The following PNPLA1 variants were observed in gnomAD, a reference collection of about 807,000 sequenced individuals.
The protein encoded by PNPLA1 is patatin like domain 1, omega-hydroxyceramide transacylase, also known as omega-hydroxyceramide transacylase.
PNPLA1 carries 36 observed loss-of-function variants against 51.7 expected under a neutral mutation model. The observed-to-expected ratio is 0.70, with a 90% confidence interval of 0.53 to 0.92. The LOEUF (loss-of-function observed/expected upper bound fraction) is 0.92. Ranked by LOEUF, PNPLA1 falls within the 40% of genes least tolerant of loss-of-function variation. The pLI, the probability that PNPLA1 is intolerant of heterozygous loss-of-function variation, is 0.00. For missense variants in PNPLA1, 658 were observed against 682.5 expected, an observed-to-expected ratio of 0.96 and a Z score of 0.40; for synonymous variants, 293 against 280.1, an observed-to-expected ratio of 1.05 and a Z score of -0.46.
intron 1 of PNPLA1, among the ~76,000 whole-genome samples, chr6:36,243,991 G>A (rs1769203405): frequency 6.6e-6 from 1 of 152,172 alleles, no homozygotes; most frequent in African/African-American, 2.4e-5. Flanking sequence ...CCCCTTTCCT[G>A]CACAGATTGA....
intron 8 of PNPLA1, among the ~76,000 whole-genome samples, chr6:36,309,443 G>A (rs1261791768): frequency 2.6e-5 from 4 of 152,148 alleles, no homozygotes; most frequent in Non-Finnish European, 5.9e-5. Context: ...TCTGCGGTGG[G>A]TGTGGGGAGC....
At chr6:36,264,329 G>A (rs1582038897) in intron 1 of PNPLA1, among the ~76,000 whole-genome samples, 2 of 152,190 alleles carry the variant, frequency 1.3e-5, no homozygotes, top group South Asian at 2.1e-4. Context: ...GTTGTCCCAT[G>A]GTCTCATAAT....
At chr6:36,300,950 T>C (rs1582095371) in intron 5 of PNPLA1, among the ~76,000 whole-genome samples, 1 of 152,250 alleles carries the variant, frequency 6.6e-6, no homozygotes, top group East Asian at 1.9e-4. Context: ...GGTTATGTTA[T>C]ACTTTGGGTT....
In PNPLA1 at chr6:36,313,491, C is replaced by T. The variant is rs749797696; in HGVS notation, c.*1605C>T. On this transcript the variant is annotated 3_prime_UTR_variant, in exon 9 of 9. Transcript: ENST00000636260. ...GAGGAGACCATATGCAAATTTAAGC[C>T]TGGTGGGGCTGGGGATTTAGAGGGT... Among the ~76,000 whole-genome samples the T allele has an allele frequency of 6.6e-6, 1 of 152,150 alleles. No individual in the cohort carries two copies. Among genetic ancestry groups the T allele is most frequent in the Non-Finnish European group, 1.5e-5 (1 of 68,028 alleles).
chr6:36,296,980 A>G (rs1467256136), intron 5 of PNPLA1, among the ~76,000 whole-genome samples: 2 of 152,232 alleles, frequency 1.3e-5, no homozygotes, highest in Non-Finnish European at 2.9e-5. Context: ...TTAAAGGAGC[A>G]AAGCCACAAG....
At position 36,270,510 on chromosome 6, in the gene PNPLA1, C is replaced by T; in HGVS notation, c.51C>T (p.Ser17=). The change falls in exon 1 of 9, where the codon TCC becomes TCT. Residue 17 remains serine (S), a synonymous_variant. Coordinates refer to ENST00000636260, the MANE Select transcript of PNPLA1 (RefSeq NM_001374623.1). ...ACCCGGACACCCCTCACTCCATCTC[C>T]TTCTCGGGCAGTGGATTCCTCTCCT... The part of the protein sequence containing the change: ...KGDPDTPHSI[S]FSGSGFLSFY... The T allele has an allele frequency of 1.3e-6, 2 of 1,551,576 alleles. No homozygotes were observed. Among genetic ancestry groups the T allele is most frequent in the Non-Finnish European group, 1.7e-6 (2 of 1,147,008 alleles).
At chr6:36,302,567 C>A in intron 6 of PNPLA1, 98 bp downstream of exon 6, 1 of 1,457,392 alleles carries the variant, frequency 6.9e-7, no homozygotes, top group Non-Finnish European at 9.1e-7. Context: ...TTTAGGGGTG[C>A]GTGGCTGAAG....
chr6:36,262,422 GCC>G (rs1419950683), intron 1 of PNPLA1, among the ~76,000 whole-genome samples: 1 of 152,152 alleles, frequency 6.6e-6, no homozygotes, highest in Admixed American at 6.5e-5. Flanking sequence ...GGAACAAAAG[GCC>G]CTCTTCACCT....
chr6:36,258,590 T>C (rs183625995), intron 1 of PNPLA1, among the ~76,000 whole-genome samples: 1 of 152,346 alleles, frequency 6.6e-6, no homozygotes, highest in East Asian at 1.9e-4. Flanking sequence ...AAATTTTTGT[T>C]AGTGTCTTTT....
At chr6:36,276,660 C>G (rs914466735) in intron 1 of PNPLA1, among the ~76,000 whole-genome samples, 2 of 152,144 alleles carry the variant, frequency 1.3e-5, no homozygotes, top group Admixed American at 1.3e-4. Flanking sequence ...ACTTAAAACC[C>G]TACTCCCACT....
intron 2 of PNPLA1, among the ~76,000 whole-genome samples, chr6:36,291,919 G>A (rs1016827428): frequency 2.6e-5 from 4 of 152,182 alleles, no homozygotes; most frequent in Non-Finnish European, 5.9e-5. Context: ...CTCCCACTTT[G>A]TGGGAACGGT....
intron 1 of PNPLA1, among the ~76,000 whole-genome samples, chr6:36,259,989 T>A (rs1398514754): frequency 1.3e-5 from 2 of 150,534 alleles, no homozygotes; most frequent in African/African-American, 4.9e-5. Flanking sequence ...AAAGTTGAAA[T>A]TTTTTTTTTA....
At chr6:36,278,478 T>C (rs1582057933) in intron 1 of PNPLA1, among the ~76,000 whole-genome samples, 2 of 152,304 alleles carry the variant, frequency 1.3e-5, no homozygotes, top group African/African-American at 4.8e-5. Context: ...ATTTAGACCC[T>C]GGGAGAGAAA....
In PNPLA1 at chr6:36,294,214, G is replaced by T; in HGVS notation, c.529G>T (p.Gly177Cys). The change falls in exon 4 of 9, where the codon GGC (glycine) becomes TGC (cysteine). Residue 177 changes from glycine (G) to cysteine (C), a missense_variant. Transcript: ENST00000636260. The surrounding 1 kb of genome is among the most constrained non-coding windows in gnomAD (Gnocchi z 4.2). The stretch of plus-strand genomic sequence containing the variant: ...GAGGTACATCGATGGGGGCTTCACG[G>T]GCATGCAGCCCTGTGCCTTCTGGAC... The part of the protein sequence containing the change: ...GVRYIDGGFT[G>C]MQPCAFWTDA... 6.2e-7 allele frequency: 1 copy of T among 1,614,138 alleles called. No homozygotes were observed. Among genetic ancestry groups the T allele is most frequent in the Admixed American group, 1.7e-5 (1 of 60,028 alleles).
intron 2 of PNPLA1, 104 bp downstream of exon 2, chr6:36,291,656 T>C: frequency 1.0e-6 from 1 of 959,036 alleles, no homozygotes; most frequent in Non-Finnish European, 1.6e-6. Flanking sequence ...CCTGCCTCAC[T>C]TCCCTAGTCC....
chr6:36,263,784 C>T (rs1351317424), intron 1 of PNPLA1, among the ~76,000 whole-genome samples: 1 of 152,216 alleles, frequency 6.6e-6, no homozygotes, highest in African/African-American at 2.4e-5. Flanking sequence ...CGGCGCCTCT[C>T]ATATGTAAAC....
chr6:36,270,513 C>T lies in PNPLA1; in HGVS notation c.54C>T (p.Phe18=), dbSNP rs560202366. The part of the protein sequence containing the change: ...GDPDTPHSIS[F]SGSGFLSFYQ... ...CGGACACCCCTCACTCCATCTCCTTCTCGGGCAGTGGATTCCTCTCCTTCT... is the reference window on the plus strand; with the variant it reads ...CGGACACCCCTCACTCCATCTCCTTTTCGGGCAGTGGATTCCTCTCCTTCT... Residue 18 remains phenylalanine, a synonymous_variant, in exon 1 of 9, where the codon TTC becomes TTT. Transcript: ENST00000636260. 16 of 1,551,574 alleles carry T rather than the reference C, an allele frequency of 1.0e-5. No individual in the cohort carries two copies. The East Asian group carries it at 3.4e-4, about 33-fold the overall frequency.
chr6:36,306,372 G>A lies in PNPLA1; in HGVS notation c.1465G>A (p.Val489Ile), dbSNP rs1327123712. The stretch of plus-strand genomic sequence containing the variant: ...GAAGGAAACCGTCAGCAAGCCTTAT[G>A]TAACGTAAGTTTCCCCTTCGTGGAG... ...HVKETVSKPY[V>I]TESPAEDSNW... The change falls in exon 7 of 9, where the codon GTA becomes ATA. Residue 489 changes from valine to isoleucine, a missense_variant. Physicochemically the swap from Val to Ile is conservative, Grantham distance 29. Coordinates refer to ENST00000636260, the MANE Select transcript of PNPLA1 (RefSeq NM_001374623.1). The A allele has an allele frequency of 1.1e-5, 17 of 1,610,526 alleles. No homozygotes were observed. The highest frequency in any genetic ancestry group is 1.4e-5 in the Non-Finnish European group (16 of 1,178,900).
intron 1 of PNPLA1, among the ~76,000 whole-genome samples, chr6:36,261,401 C>G (rs1396000498): frequency 1.3e-5 from 2 of 152,232 alleles, no homozygotes; most frequent in Admixed American, 1.3e-4. Context: ...CAGAAGTGCT[C>G]CCATCCCCTA....
Sources: gnomAD v4.1 joint callset for allele counts (sites outside exome capture counted in the v4.1 genomes callset) on GRCh38, gnomAD v4.1.1 for gene constraint, Gnocchi (gnomAD v3.1) non-coding constraint, MANE v1.5 for transcripts, NCBI Gene and HGNC (gene_info 2026-07-23, HGNC 2026-07-21) for gene names.